Variants in LAMA1 observed in about 807,000 individuals in gnomAD.
LAMA1 encodes the protein laminin subunit alpha-1.
Under a neutral mutation model 348.7 loss-of-function variants are expected in LAMA1, and 219 were observed. The ratio of observed to expected loss-of-function variants is 0.63; its 90% CI spans 0.56 to 0.70. LAMA1 has a LOEUF of 0.70. Among genes scored for constraint, LAMA1 ranks in the 30% least tolerant of loss-of-function variants. LAMA1 has a pLI of 0.00. For synonymous variants in LAMA1, 1,487 were observed against 1,491.0 expected, an observed-to-expected ratio of 1.00 and a Z score of 0.06; for missense variants, 3,744 against 3,888.0, an observed-to-expected ratio of 0.96 and a Z score of 0.99.
At chr18:7,026,983 C>CA (rs34247523) in intron 16 of LAMA1, among the ~76,000 whole-genome samples, 2,574 of 68,376 alleles carry the variant, frequency 0.038, 51 homozygotes, top group African/African-American at 0.1. Context: ...GACTCCGTCT[C>CA]AAAAAAAAAA....
chr18:6,999,815 G>A, intron 31 of LAMA1, 96 bp downstream of exon 31: 1 of 1,299,850 alleles, frequency 7.7e-7, no homozygotes, highest in South Asian at 1.2e-5. Flanking sequence ...ACTGATAATT[G>A]ATAATGGCTC....
intron 29 of LAMA1, 31 bp downstream of exon 29, chr18:7,007,108 C>T (rs550906297): frequency 6.2e-7 from 1 of 1,612,674 alleles, no homozygotes; most frequent in South Asian, 1.1e-5. Flanking sequence ...TACTTCTAAA[C>T]TCAGGCAAGC....
intron 36 of LAMA1, among the ~76,000 whole-genome samples, chr18:6,988,808 TAAA>T (rs1169877701): frequency 5.0e-5 from 5 of 100,462 alleles, no homozygotes; most frequent in East Asian, 2.9e-4. Context: ...TCCGTCTCAA[TAAA>T]AAAAAAAAAA....
At chr18:7,078,384 T>C (rs1042728069) in intron 3 of LAMA1, among the ~76,000 whole-genome samples, 4 of 151,608 alleles carry the variant, frequency 2.6e-5, no homozygotes, top group Non-Finnish European at 4.4e-5. Context: ...GCCAGGATGG[T>C]CTCGATCTCC....
intron 1 of LAMA1, among the ~76,000 whole-genome samples, chr18:7,100,091 T>C (rs940803278): frequency 4.7e-5 from 6 of 127,554 alleles, no homozygotes. Context: ...AAGACAAGCA[T>C]AGACTGGGAG....
intron 1 of LAMA1, among the ~76,000 whole-genome samples, chr18:7,085,939 G>T (rs2058215549): frequency 6.6e-6 from 1 of 152,106 alleles, no homozygotes; most frequent in African/African-American, 2.4e-5. Context: ...ATAATATCAA[G>T]GTATTCTAAT....
intron 36 of LAMA1, among the ~76,000 whole-genome samples, chr18:6,988,894 C>T (rs898698320): frequency 1.4e-5 from 2 of 140,616 alleles, no homozygotes; most frequent in Admixed American, 7.5e-5. Flanking sequence ...AACAATAATC[C>T]GAAGTGTACA....
At chr18:6,974,841 G>T in intron 46 of LAMA1, 62 bp downstream of exon 46, 1 of 1,590,508 alleles carries the variant, frequency 6.3e-7, no homozygotes, top group South Asian at 1.1e-5. Flanking sequence ...TTACAAGCAT[G>T]TAATTACTTA....
chr18:6,989,014 C>T lies in LAMA1; in HGVS notation c.5169-2667G>A, dbSNP rs149543688. On this transcript the variant is annotated intron_variant, in intron 36 of 62. Transcript: ENST00000389658. ...CCTAACTGCTAAGAGTAGCTCACTA[C>T]CTGGGCTGTTTGTGCAAGCAACATG... is the stretch of plus-strand genomic sequence containing the variant. 2.0e-5 allele frequency among the ~76,000 whole-genome samples: 3 copies of T among 152,200 alleles called. No homozygotes were observed. The East Asian group carries it at 5.8e-4, about 29-fold the overall frequency.
intron 1 of LAMA1, among the ~76,000 whole-genome samples, chr18:7,109,061 G>T (rs1384948623): frequency 6.6e-6 from 1 of 152,240 alleles, no homozygotes; most frequent in East Asian, 1.9e-4. Flanking sequence ...ATACAAAATG[G>T]GAAAAGGTTT....
chr18:7,015,986 A>G, intron 21 of LAMA1, 128 bp from the exon 22 acceptor site: 1 of 1,110,810 alleles, frequency 9.0e-7, no homozygotes, highest in Non-Finnish European at 1.3e-6. Context: ...ACGCCTCACA[A>G]TTCCCAAGAC....
chr18:7,082,449 T>C (rs2058196802), intron 1 of LAMA1, among the ~76,000 whole-genome samples: 1 of 152,214 alleles, frequency 6.6e-6, no homozygotes, highest in Non-Finnish European at 1.5e-5. Flanking sequence ...CCCCAATTTA[T>C]TATTTTCATC....
At chr18:6,977,516 GT>G (rs985719149) in intron 44 of LAMA1, among the ~76,000 whole-genome samples, 1 of 152,220 alleles carries the variant, frequency 6.6e-6, no homozygotes, top group African/African-American at 2.4e-5. Context: ...TTTGAAGCAT[GT>G]TGAACAAAAG....
chr18:7,022,554 T>C (rs189691555), intron 19 of LAMA1, among the ~76,000 whole-genome samples: 138 of 152,322 alleles, frequency 9.1e-4, no homozygotes, highest in Non-Finnish European at 1.2e-3. Flanking sequence ...AATTTATAAT[T>C]GCCACTTTTG....
chr18:7,071,809 A>C (rs1422112709), intron 3 of LAMA1, among the ~76,000 whole-genome samples: 1 of 152,230 alleles, frequency 6.6e-6, no homozygotes, highest in Non-Finnish European at 1.5e-5. Flanking sequence ...AAGCCTCTTA[A>C]ACTCTCTAAG....
chr18:7,071,261 G>A (rs113929124), intron 3 of LAMA1, among the ~76,000 whole-genome samples: 135 of 152,350 alleles, frequency 8.9e-4, no homozygotes, highest in African/African-American at 2.9e-3. Flanking sequence ...ACTCTGTGCC[G>A]TGATTTTTGT....
At position 6,974,488 on chromosome 18, in the gene LAMA1, G is replaced by A. The variant is rs193239820; in HGVS notation, c.6623+415C>T. On this transcript the variant is annotated intron_variant, in intron 46 of 62. Coordinates refer to ENST00000389658, the MANE Select transcript of LAMA1 (RefSeq NM_005559.4). ...TTTTTTTTTTTGAGATGGGAGTCTC[G>A]CTCTGTTGCCCAGGCTGGAGTGCAG... Among the ~76,000 whole-genome samples, 503 of 136,108 alleles carry A rather than the reference G, an allele frequency of 3.7e-3. 1 individual carries two copies. The highest frequency in any genetic ancestry group is 0.014 in the African/African-American group (489 of 35,358). 89.3% of individuals were successfully genotyped at this position (136,108 alleles called of 152,430 possible).
intron 8 of LAMA1, 29 bp from the exon 9 acceptor site, chr18:7,042,279 C>G: frequency 7.4e-7 from 1 of 1,352,712 alleles, no homozygotes; most frequent in South Asian, 1.2e-5. Context: ...CCTGGATTCT[C>G]TTACTAGAAA....
chr18:6,958,399 T>C, intron 55 of LAMA1, 78 bp downstream of exon 55: 1 of 1,461,882 alleles, frequency 6.8e-7, no homozygotes, highest in Non-Finnish European at 9.6e-7. Flanking sequence ...AACAGTACAA[T>C]GAGATTTCAG....
Sources: allele counts gnomAD v4.1 joint callset (sites outside exome capture counted in the v4.1 genomes callset), GRCh38; gene constraint gnomAD v4.1.1; transcripts MANE v1.5; gene names NCBI Gene and HGNC (gene_info 2026-07-23, HGNC 2026-07-21).